Variants in SIM2 observed in about 807,000 individuals in gnomAD.
The protein encoded by SIM2 is SIM bHLH transcription factor 2.
A neutral mutation model predicts 64.8 loss-of-function variants in SIM2; 28 were observed. That is an observed-to-expected ratio of 0.43 (90% CI 0.32 to 0.59). The LOEUF (loss-of-function observed/expected upper bound fraction) is 0.59, where lower values mean the gene tolerates loss of function less well. SIM2 is among the 20% of genes least tolerant of loss of function. The pLI is 0.07. For synonymous variants in SIM2, 408 were observed against 391.1 expected (o/e 1.04, Z -0.51); for missense variants, 847 against 871.4 (o/e 0.97, Z 0.35).
intron 7 of SIM2, among the ~76,000 whole-genome samples, chr21:36,733,655 G>A (rs1248057437): frequency 6.6e-6 from 1 of 151,002 alleles, no homozygotes; most frequent in Non-Finnish European, 1.5e-5. Context: ...CTCTTCCCGG[G>A]TTCATGCCAT....
chr21:36,714,543 G>A (rs1260996065), intron 3 of SIM2, among the ~76,000 whole-genome samples: 1 of 152,140 alleles, frequency 6.6e-6, no homozygotes, highest in Non-Finnish European at 1.5e-5. Flanking sequence ...CCTATTTCAT[G>A]TGATTTACAA....
At chr21:36,700,912 T>C (rs1194102414) in intron 1 of SIM2, among the ~76,000 whole-genome samples, 2 of 152,104 alleles carry the variant, frequency 1.3e-5, no homozygotes, top group East Asian at 3.9e-4. Flanking sequence ...CAGGAAGAAA[T>C]AGTGGCGCGC....
intron 7 of SIM2, among the ~76,000 whole-genome samples, chr21:36,734,588 G>C (rs997155057): frequency 1.3e-5 from 2 of 152,190 alleles, no homozygotes; most frequent in African/African-American, 4.8e-5. Flanking sequence ...AGTTTCCCCT[G>C]GCAGCTTTGA....
At chr21:36,733,726 A>AT (rs558328455) in intron 7 of SIM2, among the ~76,000 whole-genome samples, 3,313 of 151,792 alleles carry the variant, frequency 0.022, 112 homozygotes, top group African/African-American at 0.075. Context: ...AGCCTGGCTA[A>AT]TTTTTTTTGT....
Position 36,745,895 on chromosome 21 carries a change from G to A in SIM2, c.1576+759G>A. The A allele has an allele frequency of 7.7e-7, 1 of 1,297,684 alleles. No individual in the cohort carries two copies. The highest frequency in any genetic ancestry group is 1.2e-5 in the South Asian group (1 of 80,500). 80.4% of individuals were successfully genotyped at this position (1,297,684 alleles called of 1,614,324 possible). A position where few individuals can be genotyped will look rare whatever the true frequency, so the allele number is the denominator to read the frequency against. On this transcript the variant is annotated intron_variant, in intron 10 of 10. Transcript: ENST00000290399. This position sits in a 1 kb window ranked among gnomAD's most constrained non-coding sequence, Gnocchi z 4.8. ...ACCCCAGGCAGAAGGTGGAAGGTGG[G>A]AACAGAGGTTTAGCTGCAGGACATG... is the stretch of plus-strand genomic sequence containing the variant.
chr21:36,738,157 T>G (rs977196178), intron 7 of SIM2, among the ~76,000 whole-genome samples: 2 of 151,918 alleles, frequency 1.3e-5, no homozygotes, highest in African/African-American at 4.8e-5. Context: ...TGGCCAAGTC[T>G]CCCTTAAAAG....
At position 36,737,620 on chromosome 21, in the gene SIM2, G is replaced by A. The variant is rs546536562; in HGVS notation, c.851-4097G>A. Among the ~76,000 whole-genome samples, 11 of 152,286 alleles carry A rather than the reference G, an allele frequency of 7.2e-5. No homozygotes were observed. In the South Asian group the frequency reaches 1.7e-3, roughly 23 times the overall value. ...TCCAAGGTTGTTGAGAATTTCACCC[G>A]GCTCTCTAGGTAGGCTCCTGCCCAG... On this transcript the variant is annotated intron_variant, in intron 7 of 10. Transcript: ENST00000290399.
chr21:36,703,806 C>T (rs1452202007), intron 1 of SIM2, among the ~76,000 whole-genome samples: 1 of 152,242 alleles, frequency 6.6e-6, no homozygotes, highest in African/African-American at 2.4e-5. Context: ...ACTGCAAAAG[C>T]GTCCTGGCAG....
intron 3 of SIM2, among the ~76,000 whole-genome samples, chr21:36,717,464 T>TC (rs2088762504): frequency 6.6e-6 from 1 of 150,970 alleles, no homozygotes; most frequent in Non-Finnish European, 1.5e-5. Flanking sequence ...TTTTTTTTTT[T>TC]TGAGACAGAG....
chr21:36,705,201 G>T (rs753668949), intron 1 of SIM2, among the ~76,000 whole-genome samples: 84 of 152,226 alleles, frequency 5.5e-4, no homozygotes, highest in Non-Finnish European at 1.1e-3. Flanking sequence ...CGGAGCTGTA[G>T]AGGCTGCCCG....
Position 36,745,733 on chromosome 21 carries a change from A to C in SIM2, c.1576+597A>C. ...CCCAAGGACACGACACACAGTAGGG[A>C]CCTGCCCTGTACATGCTAGTTCAAC... On this transcript the variant is annotated intron_variant, in intron 10 of 10. Coordinates refer to ENST00000290399, the MANE Select transcript of SIM2 (RefSeq NM_005069.6). The surrounding 1 kb of genome is among the most constrained non-coding windows in gnomAD (Gnocchi z 4.8). 7.8e-7 allele frequency: 1 copy of C among 1,287,656 alleles called. No homozygotes were observed. Among genetic ancestry groups the C allele is most frequent in the Non-Finnish European group, 1.0e-6 (1 of 975,804 alleles). 79.8% of individuals were successfully genotyped at this position (1,287,656 alleles called of 1,614,324 possible). A position where few individuals can be genotyped will look rare whatever the true frequency, so the allele number is the denominator to read the frequency against.
intron 3 of SIM2, among the ~76,000 whole-genome samples, chr21:36,718,584 C>T (rs74887668): frequency 0.032 from 4,913 of 152,296 alleles, 123 homozygotes; most frequent in Non-Finnish European, 0.046. Flanking sequence ...CAAGATCCTT[C>T]GCCACCCAAG....
Position 36,722,759 on chromosome 21 carries a change from C to T in SIM2, c.458-286C>T, listed in dbSNP as rs111294382. ...TCCTGGAGCCCACGGCCCCCAGGAG[C>T]GGGCGACGGCAGGTGGAGCTCTGCA... is the stretch of plus-strand genomic sequence containing the variant. On this transcript the variant is annotated intron_variant, in intron 4 of 10. Transcript: ENST00000290399. 3.7e-3 allele frequency among the ~76,000 whole-genome samples: 560 copies of T among 152,262 alleles called. 3 individuals carry two copies. The highest frequency in any genetic ancestry group is 0.011 in the African/African-American group (462 of 41,562).
At chr21:36,732,847 C>T (rs1460549616) in intron 7 of SIM2, among the ~76,000 whole-genome samples, 3 of 152,228 alleles carry the variant, frequency 2.0e-5, no homozygotes, top group African/African-American at 4.8e-5. Flanking sequence ...ATCCAGGAGA[C>T]TTGATCAGGC....
rs376845812 is a variant in SIM2, at chr21:36,745,235, C to T, written c.1576+99C>T. On this transcript the variant is annotated intron_variant, in intron 10 of 10. Coordinates refer to ENST00000290399, the MANE Select transcript of SIM2 (RefSeq NM_005069.6). The surrounding 1 kb of genome is among the most constrained non-coding windows in gnomAD (Gnocchi z 4.8). ...GTGGCAGATGGAGACAGAACCCTCA[C>T]GCTTTGGGCAAACTTGCCCTCTTTC... The T allele has an allele frequency of 5.5e-5, 81 of 1,482,546 alleles. No homozygotes were observed. Among genetic ancestry groups the T allele is most frequent in the South Asian group, 1.8e-4 (13 of 70,814 alleles). The allele number at this position is 1,482,546 out of a possible 1,614,324, so 91.8% of individuals were successfully genotyped here.
chr21:36,745,808 C>T lies in SIM2; in HGVS notation c.1576+672C>T. 1 of 1,304,008 alleles carries T rather than the reference C, an allele frequency of 7.7e-7. No homozygotes were observed. The highest frequency in any genetic ancestry group is 1.0e-6 in the Non-Finnish European group (1 of 988,772). 80.8% of individuals were successfully genotyped at this position (1,304,008 alleles called of 1,614,324 possible). On this transcript the variant is annotated intron_variant, in intron 10 of 10. Transcript: ENST00000290399. This position sits in a 1 kb window ranked among gnomAD's most constrained non-coding sequence, Gnocchi z 4.8. ...TCCTGGTGGCAGGCAAGCAGATGTC[C>T]TCTGCGGAGATACCGCCAGCTCCCC...
intron 7 of SIM2, among the ~76,000 whole-genome samples, chr21:36,736,159 G>A (rs1034986676): frequency 4.6e-5 from 7 of 152,118 alleles, no homozygotes; most frequent in Non-Finnish European, 7.3e-5. Context: ...AGCAACCCCC[G>A]CCCGGGCCCC....
At position 36,707,975 on chromosome 21, in the gene SIM2, G is replaced by C. The variant is rs1241726365; in HGVS notation, c.176-1193G>C. 6.6e-5 allele frequency among the ~76,000 whole-genome samples: 10 copies of C among 152,254 alleles called. 1 individual carries two copies. The South Asian group carries it at 2.1e-3, about 32-fold the overall frequency. On this transcript the variant is annotated intron_variant, in intron 1 of 10. Transcript: ENST00000290399. ...GGGCTGGGGCTGGGCCTGGCCCAGC[G>C]TGGGTTGGGGCGGGGGACGCGCCAG...
At chr21:36,737,973 A>AAAAAAAAAAAAC (rs1555877008) in intron 7 of SIM2, among the ~76,000 whole-genome samples, 1 of 120,242 alleles carries the variant, frequency 8.3e-6, no homozygotes, top group Non-Finnish European at 2.0e-5. Context: ...AAAAAAAAAA[A>AAAAAAAAAAAAC]AAAAAAAAAG....
Sources: gnomAD v4.1 joint callset for allele counts (sites outside exome capture counted in the v4.1 genomes callset) on GRCh38, gnomAD v4.1.1 for gene constraint, Gnocchi (gnomAD v3.1) non-coding constraint, MANE v1.5 for transcripts, NCBI Gene and HGNC (gene_info 2026-07-23, HGNC 2026-07-21) for gene names.